Variants in KCNH8 observed in about 807,000 individuals in gnomAD.
KCNH8 encodes the protein voltage-gated delayed rectifier potassium channel KCNH8.
A neutral mutation model predicts 103.6 loss-of-function variants in KCNH8; 70 were observed. That is an observed-to-expected ratio of 0.68 (90% confidence interval 0.56 to 0.82). KCNH8 has a LOEUF of 0.82. Ranked by LOEUF, KCNH8 falls within the 40% of genes least tolerant of loss-of-function variation. The probability of loss-of-function intolerance (pLI) is 0.00; values close to 1 mark genes in which losing one functional copy is unlikely to be tolerated. For missense variants in KCNH8, 1,217 were observed against 1,329.9 expected, an observed-to-expected ratio of 0.92 and a Z score of 1.32; for synonymous variants, 498 against 489.4, an observed-to-expected ratio of 1.02 and a Z score of -0.23.
intron 5 of KCNH8, among the ~76,000 whole-genome samples, chr3:19,361,885 AG>A (rs2065951204): frequency 6.6e-6 from 1 of 152,168 alleles, no homozygotes; most frequent in Non-Finnish European, 1.5e-5. Context: ...TAATTAGGGC[AG>A]GTATATATTT....
intron 11 of KCNH8, among the ~76,000 whole-genome samples, chr3:19,460,346 C>T (rs949071825): frequency 6.6e-6 from 1 of 152,140 alleles, no homozygotes. Flanking sequence ...AAATCTCTAT[C>T]CTGTAATTTA....
Position 19,289,990 on chromosome 3 carries a change from T to G in KCNH8, c.442+8661T>G, listed in dbSNP as rs543837380. Reference sequence around the variant, plus strand: ...CCTTGTAAGTTGGATTCCTAGGTATTTTGTTCTCTTTGAAGCAATTGTGAA... The same window carrying G: ...CCTTGTAAGTTGGATTCCTAGGTATGTTGTTCTCTTTGAAGCAATTGTGAA... On this transcript the variant is annotated intron_variant, in intron 3 of 15. Transcript: ENST00000328405. Among the ~76,000 whole-genome samples, 415 of 152,274 alleles carry G rather than the reference T, an allele frequency of 2.7e-3. 3 individuals carry two copies. The highest frequency in any genetic ancestry group is 9.3e-3 in the African/African-American group (387 of 41,542).
At chr3:19,483,028 CA>C (rs1344361008) in intron 11 of KCNH8, among the ~76,000 whole-genome samples, 1 of 151,102 alleles carries the variant, frequency 6.6e-6, no homozygotes, top group African/African-American at 2.5e-5. Flanking sequence ...GATTTTTTTT[CA>C]GGGGGCTATT....
Position 19,188,830 on chromosome 3 carries a change from G to A in KCNH8, c.76+40035G>A, listed in dbSNP as rs370000513. ...TTGTTTGATTGATTTTGTTTGTAGA[G>A]AGAGGGTCTTGCTATGTTGCCCAGA... On this transcript the variant is annotated intron_variant, in intron 1 of 15. Coordinates refer to ENST00000328405, the MANE Select transcript of KCNH8 (RefSeq NM_144633.3). 9.9e-5 allele frequency among the ~76,000 whole-genome samples: 15 copies of A among 152,094 alleles called. 2 individuals carry two copies. Among genetic ancestry groups the A allele is most frequent in the East Asian group, 5.8e-4 (3 of 5,164 alleles).
chr3:19,253,795 T>A lies in KCNH8; in HGVS notation c.218T>A (p.Val73Asp), dbSNP rs774193937. ...KSCSCKFLFGVETNEQLMLQI... is the reference protein window; with the variant it reads ...KSCSCKFLFGDETNEQLMLQI... ...TGTAGCTGCAAGTTCTTATTTGGGG[T>A]TGAAACCAATGAGCAACTGATGCTT... Residue 73 changes from valine to aspartate, a missense_variant, in exon 2 of 16, where the codon GTT (valine) becomes GAT (aspartate). By Grantham distance (152) the Val-to-Asp change is radical (BLOSUM62 -3). Coordinates refer to ENST00000328405, the MANE Select transcript of KCNH8 (RefSeq NM_144633.3). 10 of 1,613,612 alleles carry A rather than the reference T, an allele frequency of 6.2e-6. No individual in the cohort carries two copies. Among genetic ancestry groups the A allele is most frequent in the Middle Eastern group, 1.6e-4 (1 of 6,082 alleles).
At chr3:19,407,070 G>A (rs1445687887) in intron 7 of KCNH8, among the ~76,000 whole-genome samples, 1 of 152,104 alleles carries the variant, frequency 6.6e-6, no homozygotes, top group Non-Finnish European at 1.5e-5. Context: ...TCTGACCCTT[G>A]TTCCAAAGAA....
At chr3:19,373,478 T>G (rs2066136130) in intron 5 of KCNH8, among the ~76,000 whole-genome samples, 1 of 152,222 alleles carries the variant, frequency 6.6e-6, no homozygotes. Context: ...CATTTTTTAT[T>G]GCGTCTATTT....
At chr3:19,187,098 T>G (rs2063509765) in intron 1 of KCNH8, among the ~76,000 whole-genome samples, 1 of 152,002 alleles carries the variant, frequency 6.6e-6, no homozygotes, top group African/African-American at 2.4e-5. Context: ...TCTTTTTGTT[T>G]TTTTGGTTTT....
chr3:19,232,436 G>A (rs554944710), intron 1 of KCNH8, among the ~76,000 whole-genome samples: 2 of 152,160 alleles, frequency 1.3e-5, no homozygotes, highest in African/African-American at 2.4e-5. Flanking sequence ...ATTTGCACGT[G>A]TTATGAAACT....
chr3:19,171,537 C>T (rs1431576798), intron 1 of KCNH8, among the ~76,000 whole-genome samples: 1 of 150,980 alleles, frequency 6.6e-6, no homozygotes, highest in Non-Finnish European at 1.5e-5. Flanking sequence ...CTCTTCAAGT[C>T]TTCAATTTTC....
chr3:19,409,608 C>G (rs542297768), intron 7 of KCNH8, among the ~76,000 whole-genome samples: 16 of 152,046 alleles, frequency 1.1e-4, no homozygotes, highest in Admixed American at 3.3e-4. Flanking sequence ...TTCATCTGCT[C>G]TCTTTTAGGG....
At chr3:19,150,349 G>GT (rs552350448) in intron 1 of KCNH8, among the ~76,000 whole-genome samples, 275 of 145,782 alleles carry the variant, frequency 1.9e-3, no homozygotes, top group South Asian at 4.1e-3. Context: ...TAATGTGGAT[G>GT]TTTTTTTTTT....
At chr3:19,252,231 T>C (rs1246299933) in intron 1 of KCNH8, among the ~76,000 whole-genome samples, 2 of 152,184 alleles carry the variant, frequency 1.3e-5, no homozygotes, top group African/African-American at 2.4e-5. Flanking sequence ...ATTTATCCCA[T>C]GGAAACCTTC....
intron 7 of KCNH8, among the ~76,000 whole-genome samples, chr3:19,400,766 C>T (rs917528297): frequency 2.0e-5 from 3 of 151,732 alleles, no homozygotes; most frequent in Admixed American, 1.3e-4. Flanking sequence ...TTGATTTGAA[C>T]GGCTCTCTAG....
chr3:19,490,857 A>G (rs1038294722), intron 11 of KCNH8, among the ~76,000 whole-genome samples: 1 of 152,176 alleles, frequency 6.6e-6, no homozygotes, highest in Non-Finnish European at 1.5e-5. Flanking sequence ...CAGCTATAAG[A>G]GACTCACTGT....
rs1428720715 is a variant in KCNH8, at chr3:19,513,013, C to A, written c.2123C>A (p.Ser708Tyr). 9 of 1,613,572 alleles carry A rather than the reference C, an allele frequency of 5.6e-6. No homozygotes were observed. Among genetic ancestry groups the A allele is most frequent in the South Asian group, 3.3e-5 (3 of 91,048 alleles). The change falls in exon 13 of 16, where the codon TCC becomes TAC. Residue 708 changes from serine to tyrosine, a missense_variant. By Grantham distance (144) the Ser-to-Tyr change is moderately radical. This residue lies in a region of KCNH8 where 558 missense variants were observed against 495.8 expected (regional missense o/e 1.13). Coordinates refer to ENST00000328405, the MANE Select transcript of KCNH8 (RefSeq NM_144633.3). ...GNGNINKRLP[S>Y]IVEDEEEEEE... Reference sequence around the variant, plus strand: ...GGCAACATCAACAAGCGACTCCCATCCATTGTGGAAGATGAGGAAGAGGAG... The same window carrying A: ...GGCAACATCAACAAGCGACTCCCATACATTGTGGAAGATGAGGAAGAGGAG...
chr3:19,493,426 A>G (rs749598374), intron 11 of KCNH8, among the ~76,000 whole-genome samples: 3 of 152,016 alleles, frequency 2.0e-5, no homozygotes, highest in Non-Finnish European at 4.4e-5. Context: ...AGTGAATTAG[A>G]TCTGATTGTT....
At chr3:19,353,619 CCAAAGA>C (rs1163115733) in intron 5 of KCNH8, among the ~76,000 whole-genome samples, 1 of 152,092 alleles carries the variant, frequency 6.6e-6, no homozygotes, top group East Asian at 1.9e-4. Flanking sequence ...AGAAACAGAA[CCAAAGA>C]CAAAAACCAC....
chr3:19,199,462 T>G (rs193244067), intron 1 of KCNH8, among the ~76,000 whole-genome samples: 1 of 151,982 alleles, frequency 6.6e-6, no homozygotes, highest in African/African-American at 2.4e-5. Context: ...AAAATTCTTG[T>G]GGTGACAAAA....
Sources: allele counts gnomAD v4.1 joint callset (sites outside exome capture counted in the v4.1 genomes callset), GRCh38; gene constraint gnomAD v4.1.1; regional missense constraint gnomAD v4.1.1; transcripts MANE v1.5; gene names NCBI Gene and HGNC (gene_info 2026-07-23, HGNC 2026-07-21).